CHRM3: variants seen among roughly 807,000 people sequenced by gnomAD.
The protein encoded by CHRM3 is muscarinic acetylcholine receptor M3.
Under a neutral mutation model 41.8 loss-of-function variants are expected in CHRM3, and 11 were observed. The observed-to-expected ratio is 0.26, with a 90% confidence interval of 0.17 to 0.44. CHRM3 has a LOEUF of 0.44. Among genes scored for constraint, CHRM3 ranks in the 20% least tolerant of loss-of-function variants. The pLI is 1.00. For missense variants in CHRM3, 571 were observed against 745.4 expected (o/e 0.77, Z 2.72); for synonymous variants, 297 against 301.4 (o/e 0.99, Z 0.15).
chr1:239,847,206 T>G (rs907285816), intron 6 of CHRM3, among the ~76,000 whole-genome samples: 5 of 152,206 alleles, frequency 3.3e-5, no homozygotes, highest in African/African-American at 1.2e-4. Flanking sequence ...AGAAGTAGAT[T>G]CAACACTTCC....
chr1:239,442,266 C>A lies in CHRM3; in HGVS notation c.-520-50443C>A, dbSNP rs150658155. 4.5e-3 allele frequency among the ~76,000 whole-genome samples: 687 copies of A among 152,018 alleles called. 5 individuals carry two copies. Among genetic ancestry groups the A allele is most frequent in the African/African-American group, 0.016 (656 of 41,452 alleles). ...GGATTACAGGCACCTGTCACCACGC[C>A]CAGCTGATTTTTTGTATTTTAGTAG... On this transcript the variant is annotated intron_variant, in intron 1 of 6. Transcript: ENST00000676153.
chr1:239,533,781 G>T (rs116706907), intron 2 of CHRM3, among the ~76,000 whole-genome samples: 1,896 of 145,222 alleles, frequency 0.013, 31 homozygotes, highest in Non-Finnish European at 0.02. Flanking sequence ...ATCAGATCTT[G>T]TAAGAACTCA....
chr1:239,839,380 G>A (rs142046220), intron 6 of CHRM3, among the ~76,000 whole-genome samples: 42 of 152,308 alleles, frequency 2.8e-4, no homozygotes, highest in Admixed American at 1.6e-3. Context: ...GATCAACCAC[G>A]TCTTTTAAGT....
At chr1:239,576,606 A>G (rs1662382106) in intron 3 of CHRM3, among the ~76,000 whole-genome samples, 1 of 150,958 alleles carries the variant, frequency 6.6e-6, no homozygotes, top group Admixed American at 6.6e-5. Flanking sequence ...ACACACACAC[A>G]CACACACACA....
At chr1:239,703,195 C>T (rs1465912900) in intron 5 of CHRM3, 2 of 152,102 alleles carry the variant, frequency 1.3e-5, no homozygotes, top group Admixed American at 1.3e-4. Context: ...TCTTGTTCCT[C>T]AGGTAACAGA....
At chr1:239,805,292 T>C (rs577419676) in intron 5 of CHRM3, among the ~76,000 whole-genome samples, 1 of 152,300 alleles carries the variant, frequency 6.6e-6, no homozygotes, top group East Asian at 1.9e-4. Context: ...AAGAGGGATA[T>C]GTTTTGCTTA....
chr1:239,871,127 A>T (rs541690158), intron 6 of CHRM3, among the ~76,000 whole-genome samples: 1 of 152,286 alleles, frequency 6.6e-6, no homozygotes, highest in East Asian at 1.9e-4. Flanking sequence ...AGTTGGGCTC[A>T]TACTAGAATG....
intron 1 of CHRM3, among the ~76,000 whole-genome samples, chr1:239,458,473 A>G (rs1300963776): frequency 2.0e-5 from 3 of 152,202 alleles, no homozygotes; most frequent in Non-Finnish European, 1.5e-5. Context: ...AAAGAAATAT[A>G]TTGCTTATAC....
chr1:239,531,165 C>A (rs1670375971), intron 2 of CHRM3, among the ~76,000 whole-genome samples: 1 of 151,352 alleles, frequency 6.6e-6, no homozygotes, highest in African/African-American at 2.4e-5. Context: ...TTCATATGAC[C>A]CATAATAATA....
In CHRM3 at chr1:239,827,295, C is replaced by G. The variant is rs1040779346; in HGVS notation, c.-103C>G. The G allele has an allele frequency of 2.0e-5, 3 of 152,226 alleles. No homozygotes were observed. In the South Asian group the frequency reaches 6.2e-4, roughly 32 times the overall value. 9.4% of individuals were successfully genotyped at this position (152,226 alleles called of 1,614,324 possible). On this transcript the variant is annotated 5_prime_UTR_variant, in exon 6 of 7. Coordinates refer to ENST00000676153, the MANE Select transcript of CHRM3 (RefSeq NM_001375978.1). The stretch of plus-strand genomic sequence containing the variant: ...GCAGCCTGACATCTGGTCCACTCCT[C>G]TGTCCTATGCCGGGATCATCATGAC...
intron 2 of CHRM3, among the ~76,000 whole-genome samples, chr1:239,503,474 A>G (rs1276221236): frequency 6.6e-6 from 1 of 152,172 alleles, no homozygotes; most frequent in East Asian, 1.9e-4. Context: ...TGTGAAAGCA[A>G]CCATACTGCC....
At chr1:239,738,342 C>T (rs925814718) in intron 5 of CHRM3, among the ~76,000 whole-genome samples, 5 of 152,188 alleles carry the variant, frequency 3.3e-5, no homozygotes, top group Non-Finnish European at 7.3e-5. Context: ...AGCTACATTG[C>T]TCAGCTCTTC....
At position 239,668,089 on chromosome 1, in the gene CHRM3, CTTTTTTTTTTT is replaced by C. The variant is rs1221135009; in HGVS notation, c.-249-10080_-249-10070del. ...TTTTCTTTTCTTTTTTTTCCCCTTT[CTTTTTTTTTTT>C]TTTTTTTTTTTTTTTTGAGACAGAG... On this transcript the variant is annotated intron_variant, in intron 4 of 6. Transcript: ENST00000676153. Among the ~76,000 whole-genome samples, 28 of 75,592 alleles carry C rather than the reference CTTTTTTTTTTT, an allele frequency of 3.7e-4. No individual in the cohort carries two copies. In the East Asian group the frequency reaches 8.3e-3, roughly 23 times the overall value. The allele number at this position is 75,592 out of a possible 152,430, so 49.6% of individuals were successfully genotyped here. A position where few individuals can be genotyped will look rare whatever the true frequency, so the allele number is the denominator to read the frequency against.
intron 5 of CHRM3, among the ~76,000 whole-genome samples, chr1:239,681,601 G>A (rs950277388): frequency 2.0e-5 from 3 of 152,158 alleles, no homozygotes; most frequent in African/African-American, 7.2e-5. Context: ...CAATAAAGAT[G>A]TTATAAATTA....
intron 5 of CHRM3, among the ~76,000 whole-genome samples, chr1:239,774,680 C>T (rs1377196557): frequency 6.6e-6 from 1 of 152,138 alleles, no homozygotes; most frequent in Admixed American, 6.5e-5. Context: ...TTCTCCAAAA[C>T]CTGGGGTTGC....
At chr1:239,638,508 G>A (rs1408716730) in intron 4 of CHRM3, among the ~76,000 whole-genome samples, 1 of 152,134 alleles carries the variant, frequency 6.6e-6, no homozygotes, top group African/African-American at 2.4e-5. Flanking sequence ...TTTCTCTGAT[G>A]GCCAGTGATG....
intron 3 of CHRM3, among the ~76,000 whole-genome samples, chr1:239,623,496 T>TA (rs1553342754): frequency 9.1e-6 from 1 of 109,896 alleles, no homozygotes; most frequent in Non-Finnish European, 1.9e-5. Flanking sequence ...TTTTTTTTTT[T>TA]AATTTTTTTT....
At chr1:239,868,363 GA>G (rs989890153) in intron 6 of CHRM3, among the ~76,000 whole-genome samples, 4 of 152,134 alleles carry the variant, frequency 2.6e-5, no homozygotes, top group Non-Finnish European at 4.4e-5. Flanking sequence ...GGTGTAGCTG[GA>G]CTGCCACCCA....
At chr1:239,675,673 C>CCTGTAA (rs1657927291) in intron 4 of CHRM3, among the ~76,000 whole-genome samples, 1 of 152,094 alleles carries the variant, frequency 6.6e-6, no homozygotes, top group Non-Finnish European at 1.5e-5. Context: ...TATCAGAAAG[C>CCTGTAA]CTGTAACAAG....
Sources: allele counts gnomAD v4.1 joint callset (sites outside exome capture counted in the v4.1 genomes callset), GRCh38; gene constraint gnomAD v4.1.1; transcripts MANE v1.5; gene names NCBI Gene and HGNC (gene_info 2026-07-23, HGNC 2026-07-21).